The following ZFHX3 variants were observed in gnomAD, a reference collection of about 807,000 sequenced individuals.
ZFHX3 encodes zinc finger homeobox 3.
ZFHX3 carries 42 observed loss-of-function variants against 279.1 expected under a neutral mutation model. That is an observed-to-expected ratio of 0.15 (90% CI 0.12 to 0.19). The LOEUF is 0.19. ZFHX3 is among the 10% of genes least tolerant of loss of function. The pLI is 1.00. For synonymous variants in ZFHX3, 2,293 were observed against 1,957.8 expected, an observed-to-expected ratio of 1.17 and a Z score of -4.52; for missense variants, 4,981 against 4,754.0, an observed-to-expected ratio of 1.05 and a Z score of -1.40.
chr16:73,545,682 C>T (rs1204669822), intron 2 of ZFHX3, among the ~76,000 whole-genome samples: 1 of 151,850 alleles, frequency 6.6e-6, no homozygotes, highest in Non-Finnish European at 1.5e-5. Flanking sequence ...TTCTATTTAT[C>T]AATTTGATGC....
chr16:72,792,490 T>C (rs1415468876), intron 9 of ZFHX3, among the ~76,000 whole-genome samples: 1 of 152,146 alleles, frequency 6.6e-6, no homozygotes, highest in Non-Finnish European at 1.5e-5. Flanking sequence ...ACAGTCTCGC[T>C]GTGTCACCCA....
At chr16:72,877,782 CCCT>C (rs1567560483) in intron 4 of ZFHX3, among the ~76,000 whole-genome samples, 1 of 152,208 alleles carries the variant, frequency 6.6e-6, no homozygotes, top group East Asian at 1.9e-4. Flanking sequence ...CAACTCAGGC[CCCT>C]CCTCCTTGCA....
intron 1 of ZFHX3, among the ~76,000 whole-genome samples, chr16:73,761,104 G>C (rs926097581): frequency 6.6e-6 from 1 of 151,946 alleles, no homozygotes; most frequent in Admixed American, 6.6e-5. Flanking sequence ...CAGCCCAAAA[G>C]CTTCTTAAGC....
chr16:72,887,510 A>C (rs1411980941), intron 4 of ZFHX3, among the ~76,000 whole-genome samples: 1 of 151,818 alleles, frequency 6.6e-6, no homozygotes. Flanking sequence ...GGAAGGACTG[A>C]GTGTGGAGGG....
At chr16:73,131,824 C>A (rs1966688851) in intron 6 of ZFHX3, among the ~76,000 whole-genome samples, 1 of 152,146 alleles carries the variant, frequency 6.6e-6, no homozygotes, top group Admixed American at 6.5e-5. Flanking sequence ...ATTCCTTTCC[C>A]AGCAAGTTGC....
intron 2 of ZFHX3, among the ~76,000 whole-genome samples, chr16:73,605,951 G>A (rs1462077742): frequency 6.6e-6 from 1 of 151,878 alleles, no homozygotes; most frequent in Non-Finnish European, 1.5e-5. Flanking sequence ...TTGGGAGACC[G>A]AGGCGGGCGG....
At chr16:73,451,277 C>T (rs1320556274) in intron 3 of ZFHX3, among the ~76,000 whole-genome samples, 1 of 152,164 alleles carries the variant, frequency 6.6e-6, no homozygotes, top group Non-Finnish European at 1.5e-5. Context: ...AGGACACAGG[C>T]CAGATCCATC....
At chr16:72,925,968 G>A (rs1242274801) in intron 3 of ZFHX3, among the ~76,000 whole-genome samples, 1 of 152,154 alleles carries the variant, frequency 6.6e-6, no homozygotes, top group Non-Finnish European at 1.5e-5. Context: ...GTTCCCAAGA[G>A]TTAACTTATA....
intron 7 of ZFHX3, among the ~76,000 whole-genome samples, chr16:73,095,178 G>A (rs1361452225): frequency 6.6e-6 from 1 of 152,040 alleles, no homozygotes; most frequent in Non-Finnish European, 1.5e-5. Context: ...TCCCACTTTG[G>A]CCTCCCAAAG....
chr16:73,193,994 G>T (rs1968094041), intron 5 of ZFHX3, among the ~76,000 whole-genome samples: 1 of 152,144 alleles, frequency 6.6e-6, no homozygotes. Flanking sequence ...GACCTCGCTA[G>T]GACCCTCTAG....
At chr16:73,434,856 C>T (rs949871800) in intron 3 of ZFHX3, among the ~76,000 whole-genome samples, 2 of 152,242 alleles carry the variant, frequency 1.3e-5, no homozygotes, top group East Asian at 1.9e-4. Flanking sequence ...TGGCTGACGC[C>T]GTCCAGTCAG....
At chr16:73,362,352 T>C (rs914333156) in intron 3 of ZFHX3, among the ~76,000 whole-genome samples, 1 of 152,198 alleles carries the variant, frequency 6.6e-6, no homozygotes, top group African/African-American at 2.4e-5. Flanking sequence ...GCTTGCTGCC[T>C]GGGGGCTTGA....
At chr16:73,851,270 A>G (rs1446601361) in intron 1 of ZFHX3, among the ~76,000 whole-genome samples, 1 of 152,170 alleles carries the variant, frequency 6.6e-6, no homozygotes, top group African/African-American at 2.4e-5. Flanking sequence ...CACATGTTCT[A>G]CCAGAGGTGC....
At chr16:73,715,480 G>A (rs76515250) in intron 1 of ZFHX3, among the ~76,000 whole-genome samples, 3,840 of 151,638 alleles carry the variant, frequency 0.025, 164 homozygotes, top group African/African-American at 0.088. Flanking sequence ...AGAGCTTATG[G>A]AGGTGTCACC....
chr16:72,993,079 T>C (rs981760687), intron 1 of ZFHX3, among the ~76,000 whole-genome samples: 14 of 152,202 alleles, frequency 9.2e-5, no homozygotes, highest in Non-Finnish European at 1.3e-4. Context: ...GAGGCTGTGG[T>C]GAGCCGAGAT....
intron 2 of ZFHX3, among the ~76,000 whole-genome samples, chr16:73,489,275 A>G (rs2019021329): frequency 6.6e-6 from 1 of 152,174 alleles, no homozygotes; most frequent in Non-Finnish European, 1.5e-5. Flanking sequence ...TGCACATTCA[A>G]CTGTATTGGA....
At chr16:73,145,050 A>G (rs1205823045) in intron 5 of ZFHX3, among the ~76,000 whole-genome samples, 3 of 152,220 alleles carry the variant, frequency 2.0e-5, no homozygotes, top group Non-Finnish European at 4.4e-5. Context: ...GTCTGGTGAC[A>G]ACGGCTATCC....
intron 5 of ZFHX3, among the ~76,000 whole-genome samples, chr16:73,253,966 T>G (rs939808138): frequency 2.4e-4 from 36 of 152,102 alleles, no homozygotes; most frequent in Admixed American, 2.1e-3. Flanking sequence ...AGTTCAAATC[T>G]CCATCTAAGA....
chr16:73,416,790 C>A (rs1427376989), intron 3 of ZFHX3, among the ~76,000 whole-genome samples: 1 of 146,482 alleles, frequency 6.8e-6, no homozygotes, highest in South Asian at 2.2e-4. Context: ...AGGAGAATGG[C>A]GTGAACTCGG....
Sources: allele counts gnomAD v4.1 joint callset (sites outside exome capture counted in the v4.1 genomes callset), GRCh38; gene constraint gnomAD v4.1.1; transcripts MANE v1.5; gene names NCBI Gene and HGNC (gene_info 2026-07-23, HGNC 2026-07-21).